The following HMG20A variants were observed in gnomAD, a reference collection of about 807,000 sequenced individuals.
The protein encoded by HMG20A is high mobility group 20A, also known as high mobility group protein 20A.
A neutral mutation model predicts 43.9 loss-of-function variants in HMG20A; 17 were observed. That is an observed-to-expected ratio of 0.39 (90% CI 0.27 to 0.58). The LOEUF is 0.58. Among genes scored for constraint, HMG20A ranks in the 20% least tolerant of loss-of-function variants. The pLI, the probability that HMG20A is intolerant of heterozygous loss-of-function variation, is 0.59. For missense variants in HMG20A, 341 were observed against 438.2 expected, an observed-to-expected ratio of 0.78 and a Z score of 1.98; for synonymous variants, 132 against 147.5, an observed-to-expected ratio of 0.89 and a Z score of 0.76.
In HMG20A at chr15:77,454,493, A is replaced by C. The variant is rs1263736743; in HGVS notation, c.-4-3911A>C. 1.3e-5 allele frequency among the ~76,000 whole-genome samples: 2 copies of C among 152,200 alleles called. 1 individual carries two copies. Among genetic ancestry groups the C allele is most frequent in the Non-Finnish European group, 2.9e-5 (2 of 68,038 alleles). On this transcript the variant is annotated intron_variant, in intron 1 of 9. Coordinates refer to ENST00000336216, the MANE Select transcript of HMG20A (RefSeq NM_001304504.2). ...GGAGGATTTGGGTGAGTTTGGTTGA[A>C]AAACTTTGACAGAGATAACATGGCA...
At chr15:77,488,711 CA>C (rs2072957831), downstream of HMG20A, among the ~76,000 whole-genome samples, 3 of 152,142 alleles carry the variant, frequency 2.0e-5, no homozygotes, top group Non-Finnish European at 4.4e-5. Flanking sequence ...AGCAGTTTTT[CA>C]AAGTTCACTT....
rs749115243 is a variant in HMG20A, at chr15:77,476,440, G to A, written c.616-1115G>A. ...ACAGAGGTTGCAGTGAGCTGAGATCGTGCCACTGTACTCCACCCTGGGCAA... is the reference window on the plus strand; with the variant it reads ...ACAGAGGTTGCAGTGAGCTGAGATCATGCCACTGTACTCCACCCTGGGCAA... On this transcript the variant is annotated intron_variant, in intron 6 of 9. Coordinates refer to ENST00000336216, the MANE Select transcript of HMG20A (RefSeq NM_001304504.2). Among the ~76,000 whole-genome samples, 12 of 141,706 alleles carry A rather than the reference G, an allele frequency of 8.5e-5. 1 individual carries two copies. Among genetic ancestry groups the A allele is most frequent in the Non-Finnish European group, 9.1e-5 (6 of 66,154 alleles). 93.0% of individuals were successfully genotyped at this position (141,706 alleles called of 152,430 possible).
At chr15:77,482,407 G>GT (rs1265016589) in intron 9 of HMG20A, 3 of 152,134 alleles carry the variant, frequency 2.0e-5, no homozygotes, top group African/African-American at 7.2e-5. Context: ...GTGATTTTAA[G>GT]TTGAAAGGTG....
chr15:77,446,867 G>T (rs1489421610), intron 1 of HMG20A, among the ~76,000 whole-genome samples: 1 of 150,380 alleles, frequency 6.6e-6, no homozygotes, highest in Non-Finnish European at 1.5e-5. Context: ...TTAACTTTTT[G>T]TGCTTTGTGT....
At chr15:77,499,962 C>G in the HMG20A span, among the ~76,000 whole-genome samples, 1 of 152,102 alleles carries the variant, frequency 6.6e-6, no homozygotes, top group African/African-American at 2.4e-5. Context: ...TCCCTAATAG[C>G]TGGGACTACA....
downstream of HMG20A, among the ~76,000 whole-genome samples, chr15:77,488,141 G>A (rs2072955090): frequency 6.6e-6 from 1 of 152,186 alleles, no homozygotes. Flanking sequence ...TAAACCACCT[G>A]CAACACCAGA....
rs1482171103 is a variant in HMG20A at position 77,482,067 on chromosome 15, G to A, written c.*7-903G>A. 2.6e-5 allele frequency: 4 copies of A among 152,266 alleles called. No homozygotes were observed. In the East Asian group the frequency reaches 7.7e-4, roughly 29 times the overall value. 9.4% of individuals were successfully genotyped at this position (152,266 alleles called of 1,614,324 possible). A position where few individuals can be genotyped will look rare whatever the true frequency, so the allele number is the denominator to read the frequency against. On this transcript the variant is annotated intron_variant, in intron 9 of 9. Coordinates refer to ENST00000336216, the MANE Select transcript of HMG20A (RefSeq NM_001304504.2). ...CCCAGAGAGGAGAAACATCTTGCTT[G>A]AAAATATCTGCGTAGATGAGTACAG...
At chr15:77,471,442 C>T (rs2072807510) in intron 5 of HMG20A, among the ~76,000 whole-genome samples, 1 of 152,194 alleles carries the variant, frequency 6.6e-6, no homozygotes, top group African/African-American at 2.4e-5. Context: ...TTTTCCTTAG[C>T]CATTGCATCT....
chr15:77,468,265 T>C (rs2072774274), intron 4 of HMG20A, among the ~76,000 whole-genome samples: 1 of 152,182 alleles, frequency 6.6e-6, no homozygotes, highest in Non-Finnish European at 1.5e-5. Context: ...TTAAAATTAA[T>C]ATGTGCTCAT....
intron 1 of HMG20A, among the ~76,000 whole-genome samples, chr15:77,427,176 T>C (rs989169725): frequency 6.6e-6 from 1 of 152,116 alleles, no homozygotes; most frequent in African/African-American, 2.4e-5. Flanking sequence ...GATGTTAGAA[T>C]TTGATTCTAA....
chr15:77,496,815 T>C, the HMG20A span, among the ~76,000 whole-genome samples: 1 of 152,184 alleles, frequency 6.6e-6, no homozygotes, highest in Non-Finnish European at 1.5e-5. Context: ...ACAAGTGCTC[T>C]TGAGGGAGAA....
chr15:77,421,853 G>A (rs996002226), intron 1 of HMG20A, among the ~76,000 whole-genome samples: 4 of 152,112 alleles, frequency 2.6e-5, no homozygotes, highest in African/African-American at 9.7e-5. Context: ...TTTGAAAGTT[G>A]TATTTTATTA....
chr15:77,509,194 A>G, the HMG20A span, among the ~76,000 whole-genome samples: 3 of 152,012 alleles, frequency 2.0e-5, no homozygotes, highest in Non-Finnish European at 4.4e-5. Flanking sequence ...GAGTCAAGGG[A>G]TGGCAGTCCA....
chr15:77,447,030 T>TA (rs1431095426), intron 1 of HMG20A, among the ~76,000 whole-genome samples: 1 of 152,214 alleles, frequency 6.6e-6, no homozygotes, highest in Non-Finnish European at 1.5e-5. Flanking sequence ...CCCACCTTTT[T>TA]ACCGTTTCAT....
chr15:77,425,923 G>T (rs1038206405), intron 1 of HMG20A, among the ~76,000 whole-genome samples: 2 of 152,164 alleles, frequency 1.3e-5, no homozygotes, highest in African/African-American at 4.8e-5. Context: ...CCATACAATG[G>T]AATATTATTC....
intron 1 of HMG20A, among the ~76,000 whole-genome samples, chr15:77,455,318 A>T (rs539281629): frequency 1.3e-5 from 2 of 148,294 alleles, no homozygotes; most frequent in East Asian, 3.9e-4. Flanking sequence ...GACTACAGAG[A>T]GAAAATGTGT....
intron 6 of HMG20A, among the ~76,000 whole-genome samples, chr15:77,474,026 T>G (rs931425153): frequency 6.6e-6 from 1 of 152,228 alleles, no homozygotes; most frequent in Non-Finnish European, 1.5e-5. Context: ...TTGAAAGTTT[T>G]AAAACTGTTT....
At chr15:77,439,609 A>G (rs921172903) in intron 1 of HMG20A, among the ~76,000 whole-genome samples, 1 of 152,164 alleles carries the variant, frequency 6.6e-6, no homozygotes, top group African/African-American at 2.4e-5. Context: ...TTGTAGGACT[A>G]TATCATAACA....
At chr15:77,489,240 A>G (rs1471683295), downstream of HMG20A, among the ~76,000 whole-genome samples, 1 of 152,228 alleles carries the variant, frequency 6.6e-6, no homozygotes, top group African/African-American at 2.4e-5. Flanking sequence ...TGTGCTTTTT[A>G]TGTAAATTAT....
Sources: gnomAD v4.1 joint callset for allele counts (sites outside exome capture counted in the v4.1 genomes callset) on GRCh38, gnomAD v4.1.1 for gene constraint, MANE v1.5 for transcripts, NCBI Gene and HGNC (gene_info 2026-07-23, HGNC 2026-07-21) for gene names.